The following MTBP variants were observed in gnomAD, a reference collection of about 807,000 sequenced individuals.
The protein encoded by MTBP is MDM2 binding protein, also known as mdm2-binding protein.
Under a neutral mutation model 117.0 loss-of-function variants are expected in MTBP, and 101 were observed. The ratio of observed to expected loss-of-function variants is 0.86; its 90% CI spans 0.73 to 1.02. The LOEUF (loss-of-function observed/expected upper bound fraction) is 1.02, where lower values mean the gene tolerates loss of function less well. MTBP is among the 50% of genes least tolerant of loss of function. The pLI, the probability that MTBP is intolerant of heterozygous loss-of-function variation, is 0.00. For missense variants in MTBP, 970 were observed against 1,030.9 expected (o/e 0.94, Z 0.81); for synonymous variants, 350 against 351.5 (o/e 1.00, Z 0.05).
chr8:120,453,803 A>G, intron 4 of MTBP, 44 bp from the exon 5 acceptor site: 1 of 939,314 alleles, frequency 1.1e-6, no homozygotes, highest in Non-Finnish European at 1.6e-6. Flanking sequence ...ATATATAAAT[A>G]TATTTATGGG....
intron 13 of MTBP, among the ~76,000 whole-genome samples, chr8:120,493,942 T>C (rs1814401601): frequency 6.6e-6 from 1 of 152,198 alleles, no homozygotes; most frequent in Non-Finnish European, 1.5e-5. Context: ...ACAATGAACC[T>C]TATGATTTTC....
chr8:120,507,447 G>A (rs1231132612), intron 16 of MTBP, among the ~76,000 whole-genome samples: 2 of 152,036 alleles, frequency 1.3e-5, no homozygotes, highest in African/African-American at 4.8e-5. Flanking sequence ...TGACAAAATT[G>A]ACTGTAAAAT....
chr8:120,502,122 A>G (rs987311116), intron 14 of MTBP, among the ~76,000 whole-genome samples: 6 of 152,170 alleles, frequency 3.9e-5, no homozygotes, highest in African/African-American at 7.2e-5. Flanking sequence ...TAGTATGAAA[A>G]TCACACAGAA....
intron 11 of MTBP, among the ~76,000 whole-genome samples, chr8:120,479,640 C>T (rs1010793164): frequency 1.6e-4 from 24 of 152,170 alleles, no homozygotes; most frequent in African/African-American, 4.1e-4. Flanking sequence ...ATAATACACA[C>T]GATATCCTCC....
At chr8:120,478,251 C>T (rs1159386912) in intron 11 of MTBP, among the ~76,000 whole-genome samples, 1 of 151,760 alleles carries the variant, frequency 6.6e-6, no homozygotes, top group East Asian at 1.9e-4. Flanking sequence ...TGGGGCCTGT[C>T]AGGGTATGGG....
At chr8:120,499,991 T>C (rs1814550320) in intron 14 of MTBP, among the ~76,000 whole-genome samples, 1 of 152,232 alleles carries the variant, frequency 6.6e-6, no homozygotes, top group Admixed American at 6.5e-5. Context: ...CTTGCTTTAT[T>C]AATTTGCAAT....
At chr8:120,488,018 A>G in intron 11 of MTBP, 141 bp from the exon 12 acceptor site, 1 of 526,798 alleles carries the variant, frequency 1.9e-6, no homozygotes, top group Non-Finnish European at 3.1e-6. Flanking sequence ...AATTAAATGA[A>G]CAACTACTAG....
At position 120,451,302 on chromosome 8, in the gene MTBP, G is replaced by C. The variant is rs1465323180; in HGVS notation, c.405G>C (p.Arg135Ser). 1 of 1,612,804 alleles carries C rather than the reference G, an allele frequency of 6.2e-7. No homozygotes were observed. The highest frequency in any genetic ancestry group is 8.5e-7 in the Non-Finnish European group (1 of 1,179,236). Residue 135 changes from arginine (R) to serine (S), a missense_variant, in exon 4 of 22, where the codon AGG becomes AGC. By Grantham distance (110) the Arg-to-Ser change is moderately radical. Transcript: ENST00000305949. ...ECFEEEDSNSRESLSLADLYE... is the reference protein window; with the variant it reads ...ECFEEEDSNSSESLSLADLYE... ...TTGAAGAAGAAGACAGTAATAGCAG[G>C]GAATCATTATCCTTGGCTGAGTATG...
chr8:120,511,103 A>T (rs140838054), intron 17 of MTBP, among the ~76,000 whole-genome samples: 5 of 152,296 alleles, frequency 3.3e-5, no homozygotes, highest in Non-Finnish European at 7.4e-5. Context: ...TTATAAAAAG[A>T]TAAGATATGC....
chr8:120,498,055 G>C (rs576016290), intron 14 of MTBP, among the ~76,000 whole-genome samples: 31 of 152,326 alleles, frequency 2.0e-4, no homozygotes, highest in African/African-American at 7.5e-4. Context: ...CTGAGTTCCA[G>C]TGTTGTGATG....
intron 7 of MTBP, among the ~76,000 whole-genome samples, 156 bp from the exon 8 acceptor site, chr8:120,459,059 G>A (rs1344967524): frequency 6.6e-6 from 1 of 152,058 alleles, no homozygotes; most frequent in East Asian, 1.9e-4. Context: ...AAAACAGGAT[G>A]TGTACCTAAA....
intron 17 of MTBP, 94 bp from the exon 18 acceptor site, chr8:120,515,831 C>CT: frequency 1.7e-6 from 2 of 1,180,520 alleles, no homozygotes. Flanking sequence ...AACAAGAACT[C>CT]TTAAAGTAAA....
At chr8:120,490,674 G>C (rs1814325765) in intron 13 of MTBP, 104 bp downstream of exon 13, 1 of 649,036 alleles carries the variant, frequency 1.5e-6, no homozygotes, top group African/African-American at 1.9e-5. Flanking sequence ...TTATCTTTTA[G>C]TTATGCTACT....
At chr8:120,506,625 G>C in intron 15 of MTBP, 81 bp from the exon 16 acceptor site, 1 of 673,384 alleles carries the variant, frequency 1.5e-6, no homozygotes, top group Non-Finnish European at 2.0e-6. Context: ...TTTCCCGACT[G>C]TGCTTTTTTT....
At chr8:120,489,603 A>T (rs535901382) in intron 12 of MTBP, among the ~76,000 whole-genome samples, 2 of 152,220 alleles carry the variant, frequency 1.3e-5, no homozygotes, top group African/African-American at 4.8e-5. Context: ...TAGGTCCACC[A>T]TGTACTGGTT....
chr8:120,506,997 T>A, intron 16 of MTBP, 136 bp downstream of exon 16: 1 of 690,786 alleles, frequency 1.4e-6, no homozygotes, highest in South Asian at 2.4e-5. Context: ...TGTTTGTCTG[T>A]TGGCCTTAAT....
intron 7 of MTBP, 48 bp from the exon 8 acceptor site, chr8:120,459,167 A>G (rs1466265749): frequency 1.3e-6 from 2 of 1,490,660 alleles, no homozygotes; most frequent in Non-Finnish European, 1.8e-6. Context: ...TAATCTTTAT[A>G]GCATTATTCA....
intron 7 of MTBP, among the ~76,000 whole-genome samples, chr8:120,457,887 A>G (rs989037841): frequency 5.3e-5 from 8 of 150,442 alleles, no homozygotes; most frequent in Non-Finnish European, 1.0e-4. Flanking sequence ...CGGAGGTTTC[A>G]GTGAGCTGAG....
intron 12 of MTBP, 109 bp downstream of exon 12, chr8:120,488,441 G>C: frequency 3.8e-6 from 3 of 781,882 alleles, no homozygotes; most frequent in Non-Finnish European, 5.4e-6. Flanking sequence ...ATTTATTTTC[G>C]CCAAACTCCA....
Sources: allele counts gnomAD v4.1 joint callset (sites outside exome capture counted in the v4.1 genomes callset), GRCh38; gene constraint gnomAD v4.1.1; transcripts MANE v1.5; gene names NCBI Gene and HGNC (gene_info 2026-07-23, HGNC 2026-07-21).